The following GPC3 variants were observed in gnomAD, a reference collection of about 807,000 sequenced individuals.
GPC3 encodes glypican-3.
In GPC3, 3 loss-of-function variants were observed where a neutral mutation model predicts 34.4. That is an observed-to-expected ratio of 0.09 (90% CI 0.04 to 0.23). The LOEUF (loss-of-function observed/expected upper bound fraction) is 0.23, where lower values mean the gene tolerates loss of function less well. Among genes scored for constraint, GPC3 ranks in the 10% least tolerant of loss-of-function variants. The probability of loss-of-function intolerance (pLI) is 1.00; values close to 1 mark genes in which losing one functional copy is unlikely to be tolerated. For synonymous variants in GPC3, 177 were observed against 174.0 expected, an observed-to-expected ratio of 1.02 and a Z score of -0.13; for missense variants, 351 against 445.6, an observed-to-expected ratio of 0.79 and a Z score of 1.91.
intron 2 of GPC3, among the ~76,000 whole-genome samples, chrX:133,896,296 G>A (rs1274503235): frequency 9.1e-6 from 1 of 110,046 alleles, no homozygotes; most frequent in Admixed American, 9.6e-5. Context: ...GGGAGGTGGA[G>A]GTTGCAGGGA....
rs2076044595 is a variant in GPC3, at chrX:133,882,167, C to T, written c.337+70883G>A. 3.6e-5 allele frequency among the ~76,000 whole-genome samples: 4 copies of T among 111,883 alleles called. No homozygotes were observed. In the South Asian group the frequency reaches 1.5e-3, roughly 42 times the overall value. ...GTCTTCCCCTCCCCCACAATGATTCCAGCGATAACAATCTTGCAATCCATT... is the reference window on the plus strand; with the variant it reads ...GTCTTCCCCTCCCCCACAATGATTCTAGCGATAACAATCTTGCAATCCATT... On this transcript the variant is annotated intron_variant, in intron 2 of 7. Transcript: ENST00000370818.
intron 3 of GPC3, among the ~76,000 whole-genome samples, chrX:133,709,738 T>C (rs1319369973): frequency 8.9e-6 from 1 of 112,240 alleles, no homozygotes; most frequent in East Asian, 2.8e-4. Flanking sequence ...GTAGCTCAAA[T>C]GAATACTGAT....
chrX:133,794,528 C>A (rs1261212735), intron 2 of GPC3, among the ~76,000 whole-genome samples: 1 of 111,805 alleles, frequency 8.9e-6, no homozygotes, highest in Non-Finnish European at 1.9e-5. Flanking sequence ...GGTGGGGGGG[C>A]ACTATTTGTG....
At chrX:133,706,692 G>A (rs779058627) in intron 3 of GPC3, among the ~76,000 whole-genome samples, 13 of 111,973 alleles carry the variant, frequency 1.2e-4, no homozygotes, top group Non-Finnish European at 2.4e-4. Flanking sequence ...TTGTTAAATA[G>A]TCTAAAAACA....
Position 133,909,874 on chromosome X carries a change from G to A in GPC3, c.337+43176C>T, listed in dbSNP as rs1200366302. On this transcript the variant is annotated intron_variant, in intron 2 of 7. Transcript: ENST00000370818. ...TGAGTATATGAGACCATACTATGAC[G>A]CAAACATACTCCTCTACTCTAGAAT... Among the ~76,000 whole-genome samples, 6 of 111,506 alleles carry A rather than the reference G, an allele frequency of 5.4e-5. 1 individual carries two copies. The highest frequency in any genetic ancestry group is 1.3e-4 in the African/African-American group (4 of 30,695).
intron 2 of GPC3, among the ~76,000 whole-genome samples, chrX:133,883,194 T>C (rs966565738): frequency 8.9e-6 from 1 of 111,825 alleles, no homozygotes; most frequent in Admixed American, 9.5e-5. Flanking sequence ...TACTATGCCT[T>C]TATTCTGGGC....
chrX:133,771,839 T>C (rs981275612), intron 2 of GPC3, among the ~76,000 whole-genome samples: 3 of 112,078 alleles, frequency 2.7e-5, no homozygotes, highest in African/African-American at 6.5e-5. Flanking sequence ...CTGTGTGGTC[T>C]TGGCATGCCA....
intron 7 of GPC3, among the ~76,000 whole-genome samples, chrX:133,564,534 G>C (rs1281838600): frequency 8.9e-6 from 1 of 111,912 alleles, no homozygotes; most frequent in East Asian, 2.8e-4. Context: ...AGATCAGTGA[G>C]AGAGGTGGGT....
At chrX:133,698,467 A>G (rs2071136556) in intron 4 of GPC3, among the ~76,000 whole-genome samples, 1 of 112,383 alleles carries the variant, frequency 8.9e-6, no homozygotes, top group Admixed American at 9.4e-5. Context: ...GGGGGCAGAC[A>G]AAACAAACAG....
At chrX:133,813,716 C>T (rs1216240586) in intron 2 of GPC3, among the ~76,000 whole-genome samples, 3 of 112,261 alleles carry the variant, frequency 2.7e-5, no homozygotes, top group South Asian at 3.7e-4. Flanking sequence ...TAGTGGTGCA[C>T]GGAGCACCCA....
chrX:133,588,240 C>G (rs186761932), intron 7 of GPC3, among the ~76,000 whole-genome samples: 2 of 111,259 alleles, frequency 1.8e-5, no homozygotes, highest in Admixed American at 9.6e-5. Flanking sequence ...TTGGGATACT[C>G]ACACTATAAA....
At position 133,923,997 on chromosome X, in the gene GPC3, G is replaced by A. The variant is rs753894557; in HGVS notation, c.337+29053C>T. Among the ~76,000 whole-genome samples, 4 of 111,684 alleles carry A rather than the reference G, an allele frequency of 3.6e-5. No homozygotes were observed. The East Asian group carries it at 1.1e-3, about 31-fold the overall frequency. Reference sequence around the variant, plus strand: ...GCCCAGGAACATTGTTTTTAAAAGGGAGAAATCACCTTGACATTCTGATGA... The same window carrying A: ...GCCCAGGAACATTGTTTTTAAAAGGAAGAAATCACCTTGACATTCTGATGA... On this transcript the variant is annotated intron_variant, in intron 2 of 7. Transcript: ENST00000370818.
chrX:133,661,176 T>C (rs867150661), intron 6 of GPC3, among the ~76,000 whole-genome samples: 1 of 110,497 alleles, frequency 9.1e-6, no homozygotes, highest in Non-Finnish European at 1.9e-5. Context: ...CTCAAAACAA[T>C]ACAAAACAAA....
intron 6 of GPC3, among the ~76,000 whole-genome samples, chrX:133,642,509 T>C (rs963049346): frequency 3.7e-4 from 41 of 111,073 alleles, no homozygotes; most frequent in Non-Finnish European, 6.4e-4. Flanking sequence ...CAGTGGCTCA[T>C]GCCTGTAATC....
Position 133,610,639 on chromosome X carries a change from A to T in GPC3, c.1414-14040T>A, listed in dbSNP as rs777152280. ...TGTTCGTTCAACATAATTCTTCTGG[A>T]TACAGCTATGGTAATTTCCGTCTTT... is the stretch of plus-strand genomic sequence containing the variant. On this transcript the variant is annotated intron_variant, in intron 6 of 7. Transcript: ENST00000370818. Among the ~76,000 whole-genome samples, 10 of 106,214 alleles carry T rather than the reference A, an allele frequency of 9.4e-5. No individual in the cohort carries two copies. In the East Asian group the frequency reaches 2.9e-3, roughly 31 times the overall value. 92.2% of individuals were successfully genotyped at this position (106,214 alleles called of 115,157 possible). A position where few individuals can be genotyped will look rare whatever the true frequency, so the allele number is the denominator to read the frequency against.
intron 2 of GPC3, among the ~76,000 whole-genome samples, chrX:133,815,652 G>C (rs2075688084): frequency 8.9e-6 from 1 of 111,958 alleles, no homozygotes; most frequent in Admixed American, 9.4e-5. Context: ...TTGTCTGTTT[G>C]CAAATATAAG....
chrX:133,726,889 A>T (rs7888106), intron 3 of GPC3, among the ~76,000 whole-genome samples: 7,501 of 111,739 alleles, frequency 0.067, 650 homozygotes, highest in African/African-American at 0.23. Flanking sequence ...GCATATTGAC[A>T]TCATGACTGA....
At chrX:133,682,764 C>T (rs1293047032) in intron 5 of GPC3, among the ~76,000 whole-genome samples, 1 of 110,865 alleles carries the variant, frequency 9.0e-6, no homozygotes, top group African/African-American at 3.3e-5. Flanking sequence ...GTCAGGAGTT[C>T]GAGACCAGCC....
intron 2 of GPC3, among the ~76,000 whole-genome samples, chrX:133,892,527 A>G (rs2076092486): frequency 9.0e-6 from 1 of 111,344 alleles, no homozygotes; most frequent in African/African-American, 3.3e-5. Flanking sequence ...CATTCTGCAT[A>G]CCAGGAAGGT....
Sources: allele counts gnomAD v4.1 joint callset (sites outside exome capture counted in the v4.1 genomes callset), GRCh38; gene constraint gnomAD v4.1.1; transcripts MANE v1.5; gene names NCBI Gene and HGNC (gene_info 2026-07-23, HGNC 2026-07-21).